Variants in IFFO2 observed in about 807,000 individuals in gnomAD.
The protein encoded by IFFO2 is intermediate filament family orphan 2.
IFFO2 carries 19 observed loss-of-function variants against 53.5 expected under a neutral mutation model. The ratio of observed to expected loss-of-function variants is 0.36; its 90% CI spans 0.25 to 0.52. The LOEUF is 0.52. IFFO2 is among the 20% of genes least tolerant of loss of function. IFFO2 has a pLI of 0.94. For missense variants in IFFO2, 570 were observed against 727.4 expected (o/e 0.78, Z 2.49); for synonymous variants, 303 against 313.6 (o/e 0.97, Z 0.36).
chr1:18,909,591 G>C (rs755234696), intron 8 of IFFO2, among the ~76,000 whole-genome samples: 8 of 152,174 alleles, frequency 5.3e-5, no homozygotes, highest in Non-Finnish European at 1.0e-4. Flanking sequence ...TAGTTCTCAC[G>C]AGATCTGATG....
In IFFO2 at chr1:18,910,272, C is replaced by T. The variant is rs961157651; in HGVS notation, c.1448+70G>A. The T allele has an allele frequency of 1.2e-5, 19 of 1,528,852 alleles. No homozygotes were observed. In the South Asian group the frequency reaches 1.8e-4, roughly 14 times the overall value. 94.7% of individuals were successfully genotyped at this position (1,528,852 alleles called of 1,614,324 possible). On this transcript the variant is annotated intron_variant, in intron 8 of 8. Transcript: ENST00000455833. ...ACAGGTTGGGAGCATGACACATGGCCGAGTTGCAGCCTTGGGAATTCCCCT... is the reference window on the plus strand; with the variant it reads ...ACAGGTTGGGAGCATGACACATGGCTGAGTTGCAGCCTTGGGAATTCCCCT...
intron 1 of IFFO2, among the ~76,000 whole-genome samples, chr1:18,932,050 G>A (rs1394954515): frequency 1.3e-5 from 2 of 152,210 alleles, no homozygotes; most frequent in African/African-American, 4.8e-5. Flanking sequence ...GGGCCGGCAC[G>A]TGGTGAGCAA....
chr1:18,934,226 C>G (rs983454845), intron 1 of IFFO2, among the ~76,000 whole-genome samples: 84 of 150,858 alleles, frequency 5.6e-4, no homozygotes, highest in African/African-American at 2.0e-3. Context: ...AGCCACCATG[C>G]CCAGTTAATT....
intron 1 of IFFO2, among the ~76,000 whole-genome samples, chr1:18,954,004 G>A (rs1178349087): frequency 6.6e-6 from 1 of 152,210 alleles, no homozygotes; most frequent in Non-Finnish European, 1.5e-5. Flanking sequence ...TTGAGAGCAA[G>A]TGCCTGCTTC....
intron 1 of IFFO2, among the ~76,000 whole-genome samples, chr1:18,942,840 CTTTT>C (rs35473539): frequency 7.4e-6 from 1 of 135,194 alleles, no homozygotes. Context: ...TATATTATTT[CTTTT>C]TTTTTTTTTT....
chr1:18,911,333 T>C lies in IFFO2; in HGVS notation c.1317+51A>G, dbSNP rs1569829301. On this transcript the variant is annotated intron_variant, in intron 7 of 8. Transcript: ENST00000455833. ...TGTTTGATCGCCAGGATCTCAACCATGTGGACCTCAGGAGAGCCTCACGAG... is the reference window on the plus strand; with the variant it reads ...TGTTTGATCGCCAGGATCTCAACCACGTGGACCTCAGGAGAGCCTCACGAG... The C allele has an allele frequency of 7.5e-6, 7 of 927,994 alleles. No individual in the cohort carries two copies. The East Asian group carries it at 2.2e-4, about 30-fold the overall frequency. 57.5% of individuals were successfully genotyped at this position (927,994 alleles called of 1,614,324 possible).
chr1:18,924,365 C>CCTCCCT (rs1361417512), intron 1 of IFFO2, among the ~76,000 whole-genome samples: 1 of 152,152 alleles, frequency 6.6e-6, no homozygotes, highest in African/African-American at 2.4e-5. Flanking sequence ...CAAGCACAAC[C>CCTCCCT]CTCCCTCTTC....
At chr1:18,934,611 C>A (rs1230006168) in intron 1 of IFFO2, among the ~76,000 whole-genome samples, 1 of 152,136 alleles carries the variant, frequency 6.6e-6, no homozygotes, top group African/African-American at 2.4e-5. Flanking sequence ...ACAGGTAAGC[C>A]AGATAAAACC....
chr1:18,923,485 A>G (rs953308518), intron 1 of IFFO2, among the ~76,000 whole-genome samples: 2 of 152,196 alleles, frequency 1.3e-5, no homozygotes, highest in African/African-American at 4.8e-5. Context: ...ACCAGCAACC[A>G]TTAACTGGGG....
At chr1:18,925,869 A>T (rs1293346975) in intron 1 of IFFO2, among the ~76,000 whole-genome samples, 7 of 20,764 alleles carry the variant, frequency 3.4e-4, no homozygotes, top group South Asian at 2.3e-3. Flanking sequence ...GGATGGATGG[A>T]TGGATGGATG....
Position 18,919,669 on chromosome 1 carries a change from G to A in IFFO2, c.822+9C>T, listed in dbSNP as rs150205977. 1.6e-5 allele frequency: 25 copies of A among 1,546,728 alleles called. No individual in the cohort carries two copies. Among genetic ancestry groups the A allele is most frequent in the Middle Eastern group, 1.7e-4 (1 of 5,986 alleles). On this transcript the variant is annotated intron_variant, in intron 3 of 8. Transcript: ENST00000455833. This position sits in a 1 kb window ranked among gnomAD's most constrained non-coding sequence, Gnocchi z 4.9. ...GTCATGACACCCAGGGGCGGCGGGC[G>A]GCACTTACGTCACTCATAAGCCCCT...
At chr1:18,927,332 G>A (rs943844087) in intron 1 of IFFO2, among the ~76,000 whole-genome samples, 1 of 139,422 alleles carries the variant, frequency 7.2e-6, no homozygotes, top group Admixed American at 7.2e-5. Context: ...GAGCTCAGGT[G>A]AGGCTGGGCT....
chr1:18,908,698 A>C (rs1173664377), intron 8 of IFFO2, 32 bp from the exon 9 acceptor site: 1 of 1,496,448 alleles, frequency 6.7e-7, no homozygotes. Flanking sequence ...GGAAATTCAG[A>C]GAGCAGCCCT....
intron 1 of IFFO2, among the ~76,000 whole-genome samples, chr1:18,924,768 TG>T (rs1240446587): frequency 6.6e-6 from 1 of 152,218 alleles, no homozygotes; most frequent in Non-Finnish European, 1.5e-5. Context: ...GTCCAGGAGC[TG>T]TTCTGTTGGC....
chr1:18,909,999 C>T (rs1035284649), intron 8 of IFFO2, among the ~76,000 whole-genome samples: 4 of 152,200 alleles, frequency 2.6e-5, no homozygotes, highest in Non-Finnish European at 1.5e-5. Context: ...TCCACCTCTG[C>T]TCCCCATTTC....
intron 1 of IFFO2, among the ~76,000 whole-genome samples, chr1:18,943,514 C>T (rs542743857): frequency 6.6e-6 from 1 of 152,338 alleles, no homozygotes. Flanking sequence ...GTTCACCCAA[C>T]TCCAACATTC....
Position 18,916,826 on chromosome 1 carries a change from G to A in IFFO2, c.1103+77C>T, listed in dbSNP as rs1172592944. 5.3e-6 allele frequency: 8 copies of A among 1,495,738 alleles called. No individual in the cohort carries two copies. The East Asian group carries it at 2.0e-4, about 37-fold the overall frequency. 92.7% of individuals were successfully genotyped at this position (1,495,738 alleles called of 1,614,324 possible). A position where few individuals can be genotyped will look rare whatever the true frequency, so the allele number is the denominator to read the frequency against. On this transcript the variant is annotated intron_variant, in intron 5 of 8. Transcript: ENST00000455833. The surrounding 1 kb of genome is among the most constrained non-coding windows in gnomAD (Gnocchi z 4.3). ...CTTCCAGTGCTGCAGGCTACTCTCA[G>A]CCCAAGCCTCCCATTCACCGCCCCT...
intron 1 of IFFO2, among the ~76,000 whole-genome samples, chr1:18,930,711 G>T (rs960906316): frequency 2.1e-4 from 32 of 152,218 alleles, no homozygotes; most frequent in African/African-American, 7.5e-4. Flanking sequence ...ACCCAGGCCA[G>T]CTGCTGGCTC....
rs549837447 is a variant in IFFO2 at position 18,910,428 on chromosome 1, G to T, written c.1362C>A (p.His454Gln). The T allele has an allele frequency of 6.2e-7, 1 of 1,614,008 alleles. No individual in the cohort carries two copies. The highest frequency in any genetic ancestry group is 8.5e-7 in the Non-Finnish European group (1 of 1,179,946). The part of the protein sequence containing the change: ...TAKSDMNRHL[H>Q]EYMEMCSMKR... ...TCATGCTGCACATCTCCATGTACTC[G>T]TGCAGGTGTCGGTTCATGTCACTTT... The change falls in exon 8 of 9, where the codon CAC (histidine) becomes CAA (glutamine). Residue 454 changes from histidine to glutamine, a missense_variant. Transcript: ENST00000455833.
Sources: gnomAD v4.1 joint callset for allele counts (sites outside exome capture counted in the v4.1 genomes callset) on GRCh38, gnomAD v4.1.1 for gene constraint, Gnocchi (gnomAD v3.1) non-coding constraint, MANE v1.5 for transcripts, NCBI Gene and HGNC (gene_info 2026-07-23, HGNC 2026-07-21) for gene names.